SNAP25: variants seen among roughly 807,000 people sequenced by gnomAD.
SNAP25 encodes synaptosomal-associated protein 25.
A neutral mutation model predicts 28.7 loss-of-function variants in SNAP25; 3 were observed. That is an observed-to-expected ratio of 0.10 (90% CI 0.05 to 0.27). The LOEUF is 0.27. Ranked by LOEUF, SNAP25 falls within the 10% of genes least tolerant of loss-of-function variation. SNAP25 has a pLI of 1.00. For missense variants in SNAP25, 117 were observed against 278.7 expected (o/e 0.42, Z 4.13); for synonymous variants, 61 against 88.1 (o/e 0.69, Z 1.72).
intron 1 of SNAP25, among the ~76,000 whole-genome samples, chr20:10,270,622 C>T (rs765196790): frequency 1.3e-4 from 20 of 151,956 alleles, no homozygotes; most frequent in Non-Finnish European, 2.5e-4. Flanking sequence ...ATTACTTGAA[C>T]CAGGAGGCAG....
At chr20:10,299,030 G>A (rs1297794453) in intron 6 of SNAP25, among the ~76,000 whole-genome samples, 2 of 152,136 alleles carry the variant, frequency 1.3e-5, no homozygotes, top group Middle Eastern at 3.2e-3. Context: ...TGAGAAAGTA[G>A]ATAAATTAAT....
In SNAP25 at chr20:10,296,722, A is replaced by T. The variant is rs989715771; in HGVS notation, c.282-203A>T. ...CAAAGATTGCAGTCCATTGCAATGG[A>T]TTCGATTGGAAGTGAAATGTTGAGT... On this transcript the variant is annotated intron_variant, in intron 5 of 7. Coordinates refer to ENST00000254976, the MANE Select transcript of SNAP25 (RefSeq NM_130811.4). 31 of 626,476 alleles carry T rather than the reference A, an allele frequency of 4.9e-5. No individual in the cohort carries two copies. The African/African-American group carries it at 5.7e-4, about 11-fold the overall frequency. 38.8% of individuals were successfully genotyped at this position (626,476 alleles called of 1,614,324 possible).
Position 10,277,687 on chromosome 20 carries a change from G to A in SNAP25, c.75G>A (p.Ser25=), listed in dbSNP as rs147866099. The change falls in exon 3 of 8, where the codon TCG becomes TCA. Residue 25 remains serine (S), a splice_region_variant and synonymous_variant. Coordinates refer to ENST00000254976, the MANE Select transcript of SNAP25 (RefSeq NM_130811.4). ...QRRADQLADE[S]LESTRRMLQL... ...TTTGTTTGTTTTTTAAATCTTAGTC[G>A]CTGGAAAGCACCCGTCGTATGCTGC... is the stretch of plus-strand genomic sequence containing the variant. 2.0e-5 allele frequency: 33 copies of A among 1,613,178 alleles called. No homozygotes were observed. In the East Asian group the frequency reaches 3.8e-4, roughly 19 times the overall value.
chr20:10,222,492 T>G (rs1184279175), intron 1 of SNAP25, among the ~76,000 whole-genome samples: 1 of 152,138 alleles, frequency 6.6e-6, no homozygotes, highest in Admixed American at 6.5e-5. Flanking sequence ...TGGCAAACCC[T>G]GAAAATGCCC....
At chr20:10,260,354 A>G (rs2063389328) in intron 1 of SNAP25, among the ~76,000 whole-genome samples, 1 of 152,184 alleles carries the variant, frequency 6.6e-6, no homozygotes, top group Non-Finnish European at 1.5e-5. Context: ...ACAATGAAGT[A>G]TGCATTTTCT....
intron 1 of SNAP25, among the ~76,000 whole-genome samples, chr20:10,221,374 T>A (rs1018605834): frequency 1.6e-4 from 25 of 152,188 alleles, no homozygotes; most frequent in African/African-American, 6.0e-4. Context: ...TTAAAAAATA[T>A]ATCATTGAAC....
Position 10,244,090 on chromosome 20 carries a change from G to C in SNAP25, c.-64+25113G>C, listed in dbSNP as rs564026249. On this transcript the variant is annotated intron_variant, in intron 1 of 7. Coordinates refer to ENST00000254976, the MANE Select transcript of SNAP25 (RefSeq NM_130811.4). The stretch of plus-strand genomic sequence containing the variant: ...TTTCCTCCTCTGAGAAATGGGTATT[G>C]GTCAAATATCTGTTTCTAGGAGTTA... Among the ~76,000 whole-genome samples the C allele has an allele frequency of 1.1e-3, 169 of 152,262 alleles. 1 individual carries two copies. The highest frequency in any genetic ancestry group is 2.2e-3 in the Non-Finnish European group (151 of 68,014).
chr20:10,285,842 C>A (rs184208793), intron 4 of SNAP25, among the ~76,000 whole-genome samples: 53 of 152,252 alleles, frequency 3.5e-4, no homozygotes, highest in Admixed American at 7.8e-4. Context: ...TAATCACCAA[C>A]AATGACAAGA....
At chr20:10,285,685 T>TG (rs898473792) in intron 4 of SNAP25, among the ~76,000 whole-genome samples, 8 of 151,848 alleles carry the variant, frequency 5.3e-5, no homozygotes, top group African/African-American at 1.7e-4. Context: ...TCTCAAGCTG[T>TG]GGGGGGGAAC....
chr20:10,275,212 G>A (rs991052176), intron 1 of SNAP25, among the ~76,000 whole-genome samples: 1 of 152,140 alleles, frequency 6.6e-6, no homozygotes, highest in African/African-American at 2.4e-5. Flanking sequence ...TTCATCGGTA[G>A]ATAGGTGTCT....
In SNAP25 at chr20:10,244,064, A is replaced by G. The variant is rs142248437; in HGVS notation, c.-64+25087A>G. On this transcript the variant is annotated intron_variant, in intron 1 of 7. Transcript: ENST00000254976. ...GTTATTTAGTTTTGTCTCAGCCTCA[A>G]TTTCCTCCTCTGAGAAATGGGTATT... Among the ~76,000 whole-genome samples the G allele has an allele frequency of 6.4e-4, 97 of 152,262 alleles. 1 individual carries two copies. In the South Asian group the frequency reaches 8.7e-3, roughly 14 times the overall value.
intron 6 of SNAP25, among the ~76,000 whole-genome samples, chr20:10,298,326 T>C (rs758662862): frequency 1.3e-5 from 2 of 152,222 alleles, no homozygotes; most frequent in Non-Finnish European, 2.9e-5. Context: ...AAGTTCTCCT[T>C]TAGTTTTTTA....
At chr20:10,255,182 G>A (rs1000613156) in intron 1 of SNAP25, among the ~76,000 whole-genome samples, 3 of 152,162 alleles carry the variant, frequency 2.0e-5, no homozygotes, top group African/African-American at 7.2e-5. Flanking sequence ...TAAGAATAAC[G>A]GTTGTGACAG....
Position 10,299,464 on chromosome 20 carries a change from C to A in SNAP25, c.552+52C>A. 4 of 1,568,346 alleles carry A rather than the reference C, an allele frequency of 2.6e-6. No individual in the cohort carries two copies. In the South Asian group the frequency reaches 3.5e-5, roughly 14 times the overall value. On this transcript the variant is annotated intron_variant, in intron 7 of 7. Coordinates refer to ENST00000254976, the MANE Select transcript of SNAP25 (RefSeq NM_130811.4). Reference sequence around the variant, plus strand: ...CTACTGCGAGTCACTTCTGAAATGACCAACAGGAAGTGTGAAGGGCATAAC... The same window carrying A: ...CTACTGCGAGTCACTTCTGAAATGAACAACAGGAAGTGTGAAGGGCATAAC...
Position 10,230,082 on chromosome 20 carries a change from A to G in SNAP25, c.-64+11105A>G, listed in dbSNP as rs181135033. On this transcript the variant is annotated intron_variant, in intron 1 of 7. Transcript: ENST00000254976. ...AGGCCCTTCTCTCCTTTTCCCACCC[A>G]TACCCCCAAGTGACAGAACCTGCTT... Among the ~76,000 whole-genome samples, 374 of 152,214 alleles carry G rather than the reference A, an allele frequency of 2.5e-3. 5 individuals carry two copies. Among genetic ancestry groups the G allele is most frequent in the African/African-American group, 8.5e-3 (354 of 41,546 alleles).
intron 1 of SNAP25, among the ~76,000 whole-genome samples, chr20:10,259,981 T>C (rs1195849427): frequency 6.6e-6 from 1 of 152,218 alleles, no homozygotes; most frequent in Admixed American, 6.5e-5. Context: ...AAATGAATCA[T>C]GTCCATCAAG....
intron 1 of SNAP25, among the ~76,000 whole-genome samples, chr20:10,224,059 A>T (rs2062684616): frequency 6.6e-6 from 1 of 152,070 alleles, no homozygotes; most frequent in Admixed American, 6.6e-5. Flanking sequence ...TTGTGGTCAG[A>T]TTACTATTAT....
At chr20:10,296,775 T>G in intron 5 of SNAP25, 150 bp from the exon 6 acceptor site, 4 of 1,139,102 alleles carry the variant, frequency 3.5e-6, no homozygotes, top group Non-Finnish European at 4.8e-6. Context: ...GGCCAACTGT[T>G]TGGGTCTGGA....
chr20:10,289,814 G>A (rs528365061), intron 4 of SNAP25, among the ~76,000 whole-genome samples: 1 of 151,242 alleles, frequency 6.6e-6, no homozygotes, highest in South Asian at 2.1e-4. Context: ...GAGATTAGTA[G>A]AAATTTTGTT....
Sources: gnomAD v4.1 joint callset for allele counts (sites outside exome capture counted in the v4.1 genomes callset) on GRCh38, gnomAD v4.1.1 for gene constraint, MANE v1.5 for transcripts, NCBI Gene and HGNC (gene_info 2026-07-23, HGNC 2026-07-21) for gene names.